Variants in FUT9 observed in about 807,000 individuals in gnomAD.
FUT9 encodes 4-galactosyl-N-acetylglucosaminide 3-alpha-L-fucosyltransferase 9.
In FUT9, 15 loss-of-function variants were observed where a neutral mutation model predicts 29.7. The observed-to-expected ratio is 0.51, with a 90% CI of 0.34 to 0.78. The LOEUF is 0.78. FUT9 is among the 30% of genes least tolerant of loss of function. The pLI, the probability that FUT9 is intolerant of heterozygous loss-of-function variation, is 0.01. For missense variants in FUT9, 319 were observed against 425.4 expected, an observed-to-expected ratio of 0.75 and a Z score of 2.20; for synonymous variants, 169 against 153.7, an observed-to-expected ratio of 1.10 and a Z score of -0.74.
At chr6:96,126,051 C>T (rs1162965553) in intron 2 of FUT9, among the ~76,000 whole-genome samples, 1 of 152,158 alleles carries the variant, frequency 6.6e-6, no homozygotes, top group Non-Finnish European at 1.5e-5. Flanking sequence ...ATATGCCTCC[C>T]TCCTCTTCTA....
intron 1 of FUT9, among the ~76,000 whole-genome samples, chr6:96,081,879 G>A (rs1771244029): frequency 1.3e-5 from 2 of 151,764 alleles, no homozygotes; most frequent in African/African-American, 2.4e-5. Flanking sequence ...GTATAAGGAG[G>A]CATCTTTTTG....
intron 2 of FUT9, among the ~76,000 whole-genome samples, chr6:96,141,559 G>A (rs951259713): frequency 1.4e-4 from 21 of 152,280 alleles, no homozygotes; most frequent in Admixed American, 6.5e-4. Flanking sequence ...TCAAAAGAGA[G>A]GAAGGTGGAG....
rs111335418 is a variant in FUT9 at position 96,180,164 on chromosome 6, T to C, written c.-8-22984T>C. Among the ~76,000 whole-genome samples the C allele has an allele frequency of 1.9e-3, 286 of 152,224 alleles. 2 individuals are homozygous for C. The highest frequency in any genetic ancestry group is 6.6e-3 in the African/African-American group (273 of 41,568). On this transcript the variant is annotated intron_variant, in intron 2 of 2. Coordinates refer to ENST00000302103, the MANE Select transcript of FUT9 (RefSeq NM_006581.4). ...AAGTATACATCTTAAGTCATGCAAG[T>C]GTAAGTGCAACAATTTTTCCCGGTC...
In FUT9 at chr6:96,113,630, C is replaced by A. The variant is rs577896856; in HGVS notation, c.-97-409C>A. Among the ~76,000 whole-genome samples the A allele has an allele frequency of 4.7e-4, 72 of 151,658 alleles. No individual in the cohort carries two copies. The South Asian group carries it at 8.1e-3, about 17-fold the overall frequency. On this transcript the variant is annotated intron_variant, in intron 1 of 2. Transcript: ENST00000302103. ...CAGCACTTTGGGAGGCCGAGGCGGG[C>A]GGATCACGTCAGGAGATCAAGACCA...
In FUT9 at chr6:96,151,730, G is replaced by C. The variant is rs550236213; in HGVS notation, c.-9+37603G>C. On this transcript the variant is annotated intron_variant, in intron 2 of 2. Transcript: ENST00000302103. ...TATCTCTCATGAGCTCTGAGTTTCA[G>C]CTACGATATTTTGAACCTAAGGAAT... is the stretch of plus-strand genomic sequence containing the variant. Among the ~76,000 whole-genome samples the C allele has an allele frequency of 3.3e-5, 5 of 152,256 alleles. No individual in the cohort carries two copies. In the South Asian group the frequency reaches 1.0e-3, roughly 32 times the overall value.
At chr6:96,066,238 T>G (rs1487790747) in intron 1 of FUT9, among the ~76,000 whole-genome samples, 1 of 152,136 alleles carries the variant, frequency 6.6e-6, no homozygotes, top group East Asian at 1.9e-4. Context: ...ATTTTGCTTA[T>G]TCTCATCTGT....
In FUT9 at chr6:96,203,175, G is replaced by T. The variant is rs146406553; in HGVS notation, c.20G>T (p.Gly7Val). ...AAAATTATGACATCAACATCCAAAG[G>T]AATTCTTCGCCCATTTTTAATTGTC... The part of the protein sequence containing the change: MTSTSK[G>V]ILRPFLIVCI... The change falls in exon 3 of 3, where the codon GGA becomes GTA. Residue 7 changes from glycine to valine, a missense_variant. Physicochemically the swap from Gly to Val is moderately radical, Grantham distance 109. Transcript: ENST00000302103. 1 of 1,593,768 alleles carries T rather than the reference G, an allele frequency of 6.3e-7. No homozygotes were observed. Among genetic ancestry groups the T allele is most frequent in the Admixed American group, 1.7e-5 (1 of 59,084 alleles).
At chr6:96,175,966 G>A (rs898075996) in intron 2 of FUT9, among the ~76,000 whole-genome samples, 1 of 152,154 alleles carries the variant, frequency 6.6e-6, no homozygotes, top group Non-Finnish European at 1.5e-5. Context: ...ATTTGCTGAG[G>A]GCCCAGACAG....
At chr6:96,196,150 T>C (rs922501768) in intron 2 of FUT9, among the ~76,000 whole-genome samples, 2 of 152,138 alleles carry the variant, frequency 1.3e-5, no homozygotes, top group Non-Finnish European at 2.9e-5. Flanking sequence ...GGTGGTGATC[T>C]CTTTCCTCCC....
intron 1 of FUT9, chr6:96,020,725 A>G (rs933779799): frequency 6.6e-6 from 1 of 152,084 alleles, no homozygotes; most frequent in African/African-American, 2.4e-5. Context: ...ACACTATATT[A>G]TCTAAACGTG....
intron 2 of FUT9, among the ~76,000 whole-genome samples, 169 bp downstream of exon 2, chr6:96,114,296 GT>G (rs1459441473): frequency 6.6e-6 from 1 of 151,884 alleles, no homozygotes; most frequent in Non-Finnish European, 1.5e-5. Flanking sequence ...TATAAACTTA[GT>G]TTTAACATTC....
intron 1 of FUT9, chr6:96,037,012 A>C (rs1770374964): frequency 6.6e-6 from 1 of 152,020 alleles, no homozygotes; most frequent in Admixed American, 6.6e-5. Context: ...AAAACTAGAA[A>C]GCTAGAGGCC....
intron 2 of FUT9, among the ~76,000 whole-genome samples, chr6:96,131,109 C>A (rs1772235581): frequency 6.6e-6 from 1 of 151,992 alleles, no homozygotes; most frequent in Non-Finnish European, 1.5e-5. Context: ...ATAAGTACTG[C>A]TAGCATTATT....
chr6:96,083,595 C>G (rs115524589), intron 1 of FUT9, among the ~76,000 whole-genome samples: 1 of 151,904 alleles, frequency 6.6e-6, no homozygotes, highest in African/African-American at 2.4e-5. Flanking sequence ...CCACTTAAAC[C>G]CCTTCAGCAG....
chr6:96,032,316 T>A (rs557677672), intron 1 of FUT9, among the ~76,000 whole-genome samples: 2 of 151,734 alleles, frequency 1.3e-5, no homozygotes, highest in East Asian at 3.9e-4. Flanking sequence ...GGAGAGACTA[T>A]GATATGCCTT....
intron 1 of FUT9, among the ~76,000 whole-genome samples, chr6:96,030,087 A>G (rs1022630870): frequency 2.0e-5 from 3 of 151,670 alleles, no homozygotes; most frequent in African/African-American, 7.3e-5. Context: ...TGATAGAATG[A>G]GTCGAAATCA....
At chr6:96,025,077 A>C (rs1225238246) in intron 1 of FUT9, among the ~76,000 whole-genome samples, 2 of 151,752 alleles carry the variant, frequency 1.3e-5, no homozygotes, top group South Asian at 2.1e-4. Flanking sequence ...CCTCCTTTCC[A>C]TTGTGAGCCA....
In FUT9 at chr6:96,055,772, A is replaced by G. The variant is rs185998062; in HGVS notation, c.-98+39560A>G. Among the ~76,000 whole-genome samples the G allele has an allele frequency of 4.1e-3, 597 of 147,346 alleles. 4 individuals are homozygous for G. Among genetic ancestry groups the G allele is most frequent in the African/African-American group, 0.014 (571 of 39,754 alleles). ...GTTGGCCAGGATAGTCTCAAACTCC[A>G]GGCCTCAAGTGATCTGCCTGCCTTG... On this transcript the variant is annotated intron_variant, in intron 1 of 2. Transcript: ENST00000302103.
chr6:96,058,122 G>C (rs936648515), intron 1 of FUT9, among the ~76,000 whole-genome samples: 1 of 151,962 alleles, frequency 6.6e-6, no homozygotes, highest in African/African-American at 2.4e-5. Flanking sequence ...TTATTTCAGA[G>C]CTGAAAACAC....
Sources: gnomAD v4.1 joint callset for allele counts (sites outside exome capture counted in the v4.1 genomes callset) on GRCh38, gnomAD v4.1.1 for gene constraint, MANE v1.5 for transcripts, NCBI Gene and HGNC (gene_info 2026-07-23, HGNC 2026-07-21) for gene names.